CNTNAP2: variants seen among roughly 807,000 people sequenced by gnomAD.
CNTNAP2 encodes contactin-associated protein-like 2.
A neutral mutation model predicts 155.2 loss-of-function variants in CNTNAP2; 98 were observed. The observed-to-expected ratio is 0.63, with a 90% CI of 0.54 to 0.75. The LOEUF (loss-of-function observed/expected upper bound fraction) is 0.75, where lower values mean the gene tolerates loss of function less well. CNTNAP2 is among the 30% of genes least tolerant of loss of function. The pLI, the probability that CNTNAP2 is intolerant of heterozygous loss-of-function variation, is 0.00. For missense variants in CNTNAP2, 1,727 were observed against 1,688.1 expected, an observed-to-expected ratio of 1.02 and a Z score of -0.40; for synonymous variants, 651 against 631.2, an observed-to-expected ratio of 1.03 and a Z score of -0.47.
At chr7:147,374,076 G>A (rs1422511161) in intron 9 of CNTNAP2, among the ~76,000 whole-genome samples, 1 of 151,984 alleles carries the variant, frequency 6.6e-6, no homozygotes, top group Non-Finnish European at 1.5e-5. Flanking sequence ...CATTCACAGA[G>A]ATGAATCTCG....
At chr7:147,996,654 C>T (rs139786140) in intron 15 of CNTNAP2, among the ~76,000 whole-genome samples, 370 of 152,106 alleles carry the variant, frequency 2.4e-3, no homozygotes, top group African/African-American at 8.5e-3. Flanking sequence ...TGTCAGTAAT[C>T]GTAGTTATAA....
At chr7:147,936,275 G>T (rs1585037549) in intron 14 of CNTNAP2, among the ~76,000 whole-genome samples, 2 of 150,500 alleles carry the variant, frequency 1.3e-5, no homozygotes, top group African/African-American at 4.9e-5. Flanking sequence ...CCAGGGTTGT[G>T]TATACTGTAC....
chr7:146,436,180 G>T (rs1440574908), intron 1 of CNTNAP2, among the ~76,000 whole-genome samples: 1 of 152,060 alleles, frequency 6.6e-6, no homozygotes, highest in African/African-American at 2.4e-5. Flanking sequence ...ATAAACCATA[G>T]GGCTAAGTCC....
In CNTNAP2 at chr7:147,828,998, T is replaced by C. The variant is rs17227289; in HGVS notation, c.2099-74567T>C. Among the ~76,000 whole-genome samples, 315 of 152,278 alleles carry C rather than the reference T, an allele frequency of 2.1e-3. 1 individual carries two copies. The highest frequency in any genetic ancestry group is 3.3e-3 in the Non-Finnish European group (224 of 68,022). ...TTCCTTGTTTTTTCTAATACAACTT[T>C]GATATGACCTAATTTCACCACCAAA... On this transcript the variant is annotated intron_variant, in intron 13 of 23. Coordinates refer to ENST00000361727, the MANE Select transcript of CNTNAP2 (RefSeq NM_014141.6).
intron 3 of CNTNAP2, among the ~76,000 whole-genome samples, chr7:146,921,570 C>A (rs372444544): frequency 6.6e-6 from 1 of 152,104 alleles, no homozygotes; most frequent in African/African-American, 2.4e-5. Flanking sequence ...AAAGGAGGAG[C>A]AGAGTCACGT....
At chr7:148,385,210 TTACAGACGA>T (rs2116662691) in intron 22 of CNTNAP2, among the ~76,000 whole-genome samples, 1 of 152,266 alleles carries the variant, frequency 6.6e-6, no homozygotes, top group East Asian at 1.9e-4. Flanking sequence ...AATAACCCAT[TTACAGACGA>T]AACAATCCTC....
At chr7:146,393,447 A>G (rs139092940) in intron 1 of CNTNAP2, among the ~76,000 whole-genome samples, 1 of 152,244 alleles carries the variant, frequency 6.6e-6, no homozygotes, top group East Asian at 1.9e-4. Context: ...TGTGGCCATG[A>G]TGGTGTCTTG....
At chr7:147,039,885 C>CA (rs1219802915) in intron 3 of CNTNAP2, among the ~76,000 whole-genome samples, 1 of 152,102 alleles carries the variant, frequency 6.6e-6, no homozygotes, top group Non-Finnish European at 1.5e-5. Context: ...CCATCCTGGA[C>CA]ATAGGAATGG....
intron 9 of CNTNAP2, among the ~76,000 whole-genome samples, chr7:147,330,590 A>G (rs1041783677): frequency 6.6e-6 from 1 of 152,214 alleles, no homozygotes; most frequent in African/African-American, 2.4e-5. Flanking sequence ...GTTAGTATCC[A>G]AATTGTATTG....
intron 8 of CNTNAP2, among the ~76,000 whole-genome samples, chr7:147,251,249 C>T (rs1804190337): frequency 6.6e-6 from 1 of 152,160 alleles, no homozygotes; most frequent in Non-Finnish European, 1.5e-5. Flanking sequence ...CCCAGCATCC[C>T]CTGCCGAAGA....
At chr7:146,176,681 C>G (rs1374935766) in intron 1 of CNTNAP2, among the ~76,000 whole-genome samples, 1 of 152,062 alleles carries the variant, frequency 6.6e-6, no homozygotes, top group Admixed American at 6.6e-5. Context: ...GCCGGAGATT[C>G]AATAGAAATG....
In CNTNAP2 at chr7:146,768,420, C is replaced by A. The variant is rs146832369; in HGVS notation, c.98-5851C>A. ...AGTGTCCCGATGTTGTGTGCCCCCC[C>A]ACATTTCTGACCATCATTAGTTATT... is the stretch of plus-strand genomic sequence containing the variant. On this transcript the variant is annotated intron_variant, in intron 1 of 23. Transcript: ENST00000361727. Among the ~76,000 whole-genome samples the A allele has an allele frequency of 4.1e-3, 628 of 151,774 alleles. 4 individuals are homozygous for A. The highest frequency in any genetic ancestry group is 9.2e-3 in the Admixed American group (141 of 15,248).
intron 4 of CNTNAP2, among the ~76,000 whole-genome samples, chr7:147,075,490 C>T (rs1337517940): frequency 1.3e-5 from 2 of 152,010 alleles, no homozygotes; most frequent in Non-Finnish European, 2.9e-5. Context: ...GTTCTTCTTG[C>T]TATTTGGGGA....
intron 3 of CNTNAP2, among the ~76,000 whole-genome samples, chr7:146,886,369 T>G (rs1047721136): frequency 6.6e-6 from 1 of 152,054 alleles, no homozygotes; most frequent in Non-Finnish European, 1.5e-5. Flanking sequence ...TCTTTTATTG[T>G]TTTTAATGTT....
At chr7:146,693,364 ATAAT>A (rs1340548801) in intron 1 of CNTNAP2, among the ~76,000 whole-genome samples, 1 of 151,928 alleles carries the variant, frequency 6.6e-6, no homozygotes, top group African/African-American at 2.4e-5. Context: ...GCAGAAACAA[ATAAT>A]TTATTCAATC....
chr7:146,497,382 A>G (rs1797234468), intron 1 of CNTNAP2, among the ~76,000 whole-genome samples: 2 of 152,160 alleles, frequency 1.3e-5, no homozygotes, highest in Admixed American at 1.3e-4. Context: ...TGTATTTTCA[A>G]ATTAGAAATG....
chr7:147,162,339 T>A (rs984747130), intron 8 of CNTNAP2, among the ~76,000 whole-genome samples: 5 of 152,208 alleles, frequency 3.3e-5, no homozygotes, highest in African/African-American at 1.2e-4. Flanking sequence ...ACTATTATTA[T>A]GAATAATGTT....
intron 3 of CNTNAP2, among the ~76,000 whole-genome samples, chr7:146,998,667 G>A (rs1034738661): frequency 4.0e-5 from 6 of 151,882 alleles, no homozygotes; most frequent in Non-Finnish European, 7.4e-5. Flanking sequence ...TCAGCCTATC[G>A]CTTCCATTTT....
chr7:148,379,513 G>A (rs1799004498), intron 21 of CNTNAP2, among the ~76,000 whole-genome samples: 1 of 151,958 alleles, frequency 6.6e-6, no homozygotes, highest in Admixed American at 6.6e-5. Flanking sequence ...GGACCAACCT[G>A]GGTAACATAA....
Sources: allele counts gnomAD v4.1 joint callset (sites outside exome capture counted in the v4.1 genomes callset), GRCh38; gene constraint gnomAD v4.1.1; transcripts MANE v1.5; gene names NCBI Gene and HGNC (gene_info 2026-07-23, HGNC 2026-07-21).